Variants in SYN1 observed in about 807,000 individuals in gnomAD.
SYN1 encodes synapsin-1.
SYN1 carries 8 observed loss-of-function variants against 44.6 expected under a neutral mutation model. That is an observed-to-expected ratio of 0.18 (90% CI 0.11 to 0.32). The LOEUF (loss-of-function observed/expected upper bound fraction) is 0.32. Among genes scored for constraint, SYN1 ranks in the 10% least tolerant of loss-of-function variants. The pLI, the probability that SYN1 is intolerant of heterozygous loss-of-function variation, is 1.00. For missense variants in SYN1, 451 were observed against 639.4 expected (o/e 0.71, Z 3.18); for synonymous variants, 275 against 280.1 (o/e 0.98, Z 0.18).
At chrX:47,611,152 G>T (rs2057915494) in intron 1 of SYN1, among the ~76,000 whole-genome samples, 1 of 111,971 alleles carries the variant, frequency 8.9e-6, no homozygotes, top group Non-Finnish European at 1.9e-5. Context: ...AGCTGTTTCA[G>T]TAGGGAAGTC....
chrX:47,578,120 G>A (rs1486622963), intron 5 of SYN1, among the ~76,000 whole-genome samples: 2 of 110,767 alleles, frequency 1.8e-5, no homozygotes, highest in Admixed American at 1.9e-4. Context: ...CCCATAGCGT[G>A]GGTCAGCAGC....
At chrX:47,605,126 G>C (rs2057892478) in intron 4 of SYN1, 59 bp from the exon 5 acceptor site, 1 of 1,196,946 alleles carries the variant, frequency 8.4e-7, no homozygotes, top group Non-Finnish European at 1.1e-6. Flanking sequence ...GTAAGTTTCT[G>C]AACACCCTCA....
rs1324049693 is a variant in SYN1 at position 47,584,858 on chromosome X, G to T, written c.775-7357C>A. On this transcript the variant is annotated intron_variant, in intron 5 of 12. Transcript: ENST00000295987. ...ATTTATGTATGCGCTTTGCTGGTAT[G>T]ATGATGATGATGATGATGATCTTAT... 7 of 629,432 alleles carry T rather than the reference G, an allele frequency of 1.1e-5. No homozygotes were observed. In the Admixed American group the frequency reaches 1.9e-4, roughly 17 times the overall value. The allele number at this position is 629,432 out of a possible 1,213,427, so 51.9% of individuals were successfully genotyped here. A position where few individuals can be genotyped will look rare whatever the true frequency, so the allele number is the denominator to read the frequency against.
chrX:47,588,369 A>G (rs911783969), intron 5 of SYN1, among the ~76,000 whole-genome samples: 1 of 112,626 alleles, frequency 8.9e-6, no homozygotes, highest in Non-Finnish European at 1.9e-5. Flanking sequence ...AGTGTCAGCT[A>G]CCTGCACTCT....
chrX:47,575,787 G>A (rs1029247479), intron 9 of SYN1, among the ~76,000 whole-genome samples: 13 of 111,562 alleles, frequency 1.2e-4, no homozygotes, highest in African/African-American at 2.9e-4. Context: ...CCTGCTTCAC[G>A]GTTTTCTAGG....
At chrX:47,596,383 C>T (rs2057863613) in intron 5 of SYN1, among the ~76,000 whole-genome samples, 1 of 112,630 alleles carries the variant, frequency 8.9e-6, no homozygotes, top group Non-Finnish European at 1.9e-5. Context: ...AAAGCTCTGA[C>T]ATATGCCTGG....
chrX:47,577,748 C>T lies in SYN1; in HGVS notation c.775-247G>A, dbSNP rs774654005. ...CCCCACCAACAAGTTCCAGACGTCC[C>T]GCCCCTGCTTTCCCGGGCAGAGGCA... On this transcript the variant is annotated intron_variant, in intron 5 of 12. Coordinates refer to ENST00000295987, the MANE Select transcript of SYN1 (RefSeq NM_006950.3). Among the ~76,000 whole-genome samples the T allele has an allele frequency of 5.5e-4, 61 of 110,327 alleles. 1 individual carries two copies. The highest frequency in any genetic ancestry group is 1.8e-3 in the African/African-American group (55 of 30,257).
At position 47,585,683 on chromosome X, in the gene SYN1, C is replaced by G. The variant is rs1256174716; in HGVS notation, c.775-8182G>C. On this transcript the variant is annotated intron_variant, in intron 5 of 12. Transcript: ENST00000295987. ...GGAATGCACAGTGAGTGCCTGGACCCTGACCTCCAACGGGAGATCCTTCCC... is the reference window on the plus strand; with the variant it reads ...GGAATGCACAGTGAGTGCCTGGACCGTGACCTCCAACGGGAGATCCTTCCC... The G allele has an allele frequency of 3.3e-6, 4 of 1,208,999 alleles. No homozygotes were observed. In the African/African-American group the frequency reaches 5.2e-5, roughly 16 times the overall value.
chrX:47,599,351 T>A (rs1299813219), intron 5 of SYN1, among the ~76,000 whole-genome samples: 1 of 112,611 alleles, frequency 8.9e-6, no homozygotes, highest in Non-Finnish European at 1.9e-5. Context: ...CAAAGCTAAC[T>A]GATTTTCAAT....
In SYN1 at chrX:47,603,159, T is replaced by G. The variant is rs985210622; in HGVS notation, c.774+1819A>C. Among the ~76,000 whole-genome samples, 6 of 111,654 alleles carry G rather than the reference T, an allele frequency of 5.4e-5. No homozygotes were observed. In the East Asian group the frequency reaches 1.7e-3, roughly 31 times the overall value. ...TGGTAATAGTTATATCTGTAAAAAT[T>G]TTTACACTGTTTGTACTAATGGTTT... On this transcript the variant is annotated intron_variant, in intron 5 of 12. Transcript: ENST00000295987.
At chrX:47,597,716 C>G (rs1441573746) in intron 5 of SYN1, among the ~76,000 whole-genome samples, 1 of 111,820 alleles carries the variant, frequency 8.9e-6, no homozygotes, top group Non-Finnish European at 1.9e-5. Context: ...AAGATAAATT[C>G]AAAGAGATAG....
intron 5 of SYN1, among the ~76,000 whole-genome samples, chrX:47,592,337 CAAATAAATAAATAAAT>C (rs149103285): frequency 3.2e-4 from 32 of 98,624 alleles, no homozygotes; most frequent in South Asian, 5.3e-4. Flanking sequence ...GATTTTGTCT[CAAATAAATAAATAAAT>C]AAATAAATAA....
intron 5 of SYN1, among the ~76,000 whole-genome samples, chrX:47,594,561 A>C (rs1017154225): frequency 1.8e-5 from 2 of 109,983 alleles, no homozygotes; most frequent in African/African-American, 6.6e-5. Flanking sequence ...AAGAAAAAAA[A>C]AGACCTCCCT....
intron 1 of SYN1, among the ~76,000 whole-genome samples, chrX:47,613,156 A>AG (rs1569332339): frequency 3.1e-5 from 3 of 98,188 alleles, no homozygotes; most frequent in African/African-American, 1.1e-4. Flanking sequence ...AAAAAAAAAA[A>AG]GGGAGGAGCG....
At chrX:47,583,297 A>G (rs964366522) in intron 5 of SYN1, 2 of 546,674 alleles carry the variant, frequency 3.7e-6, no homozygotes, top group African/African-American at 4.7e-5. Context: ...GCCCAAATCC[A>G]GCCCCCTAAT....
chrX:47,589,945 G>A (rs1323802323), intron 5 of SYN1: 1 of 111,301 alleles, frequency 9.0e-6, no homozygotes, highest in Non-Finnish European at 1.9e-5. Context: ...ATACGATATT[G>A]GAAATAATGT....
chrX:47,615,990 T>C (rs1411167571), intron 1 of SYN1, among the ~76,000 whole-genome samples: 3 of 111,380 alleles, frequency 2.7e-5, no homozygotes, highest in Non-Finnish European at 3.8e-5. Flanking sequence ...CACAGAGGAA[T>C]TGAGACCCAG....
At position 47,619,425 on chromosome X, in the gene SYN1, C is replaced by T; in HGVS notation, c.304G>A (p.Gly102Ser). The change falls in exon 1 of 13, where the codon GGC (glycine) becomes AGC (serine). Residue 102 changes from glycine (G) to serine (S), a missense_variant. Physicochemically the swap from Gly to Ser is moderately conservative, Grantham distance 56. Around this residue, in one of 3 missense-constraint regions of SYN1, gnomAD observed 315 missense variants for 451.4 expected, o/e 0.70. Coordinates refer to ENST00000295987, the MANE Select transcript of SYN1 (RefSeq NM_006950.3). ...AATFSEQVGG[G>S]SGGAGRGGAA... ...CCCCCGCGGCCTGCGCCCCCAGAGC[C>T]GCCGCCCACCTGCTCGCTGAAGGTG... 2.5e-6 allele frequency: 3 copies of T among 1,191,466 alleles called. No individual in the cohort carries two copies. Among genetic ancestry groups the T allele is most frequent in the Non-Finnish European group, 2.2e-6 (2 of 890,629 alleles).
chrX:47,582,479 G>T, intron 5 of SYN1: 1 of 286,747 alleles, frequency 3.5e-6, no homozygotes, highest in Non-Finnish European at 7.1e-6. Flanking sequence ...CCAGAGGTAA[G>T]CAGGGCCCGG....
Sources: allele counts gnomAD v4.1 joint callset (sites outside exome capture counted in the v4.1 genomes callset), GRCh38; gene constraint gnomAD v4.1.1; regional missense constraint gnomAD v4.1.1; transcripts MANE v1.5; gene names NCBI Gene and HGNC (gene_info 2026-07-23, HGNC 2026-07-21).